Variants in AK9 observed in about 807,000 individuals in gnomAD.
The protein encoded by AK9 is adenylate kinase domain containing 1.
AK9 carries 191 observed loss-of-function variants against 239.6 expected under a neutral mutation model. The observed-to-expected ratio is 0.80, with a 90% CI of 0.71 to 0.90. The LOEUF is 0.90. AK9 is among the 40% of genes least tolerant of loss of function. The probability of loss-of-function intolerance (pLI) is 0.00; values close to 1 mark genes in which losing one functional copy is unlikely to be tolerated. For synonymous variants in AK9, 689 were observed against 721.0 expected, an observed-to-expected ratio of 0.96 and a Z score of 0.71; for missense variants, 1,995 against 2,214.7, an observed-to-expected ratio of 0.90 and a Z score of 1.99.
chr6:109,686,401 G>A (rs1481976317), intron 1 of AK9, among the ~76,000 whole-genome samples: 3 of 152,202 alleles, frequency 2.0e-5, no homozygotes, highest in Non-Finnish European at 4.4e-5. Flanking sequence ...CTAAAAAAGA[G>A]GCACAGTATT....
intron 25 of AK9, among the ~76,000 whole-genome samples, chr6:109,546,579 A>C (rs1783597525): frequency 6.6e-6 from 1 of 152,238 alleles, no homozygotes; most frequent in Non-Finnish European, 1.5e-5. Context: ...TGAAACTGTC[A>C]AGAACAATGG....
chr6:109,586,219 A>T, intron 17 of AK9, 147 bp from the exon 18 acceptor site: 1 of 788,222 alleles, frequency 1.3e-6, no homozygotes, highest in Admixed American at 3.3e-5. Flanking sequence ...TTTAAAGCTA[A>T]ACTTAATTTT....
At chr6:109,542,968 C>T (rs993031230) in intron 26 of AK9, among the ~76,000 whole-genome samples, 64 of 152,042 alleles carry the variant, frequency 4.2e-4, no homozygotes, top group African/African-American at 1.5e-3. Context: ...CACACACACG[C>T]CTATAAGGCT....
At chr6:109,596,003 A>T (rs1052399092) in intron 17 of AK9, among the ~76,000 whole-genome samples, 7 of 152,090 alleles carry the variant, frequency 4.6e-5, no homozygotes, top group Non-Finnish European at 7.4e-5. Context: ...AGTATAATTT[A>T]AAAAAAAGAA....
chr6:109,593,794 G>T (rs562560637), intron 17 of AK9, among the ~76,000 whole-genome samples: 4 of 152,170 alleles, frequency 2.6e-5, no homozygotes, highest in Admixed American at 1.3e-4. Context: ...TGCAGAAAAG[G>T]CCTTCAACAA....
At position 109,506,637 on chromosome 6, in the gene AK9, TTCA is replaced by T. The variant is rs1778152961; in HGVS notation, c.4628+14_4628+16del. 6.5e-7 allele frequency: 1 copy of T among 1,534,004 alleles called. No individual in the cohort carries two copies. The highest frequency in any genetic ancestry group is 1.2e-5 in the South Asian group (1 of 82,358). ...TAAAGTTTATTCCTTTTTTGTTGTC[TTCA>T]TCATGTACATTACCTTTGTTCATTT... On this transcript the variant is annotated intron_variant, in intron 34 of 40. Transcript: ENST00000424296.
chr6:109,578,432 T>C lies in AK9; in HGVS notation c.2191+1118A>G, dbSNP rs573146369. On this transcript the variant is annotated intron_variant, in intron 20 of 40. Transcript: ENST00000424296. Reference sequence around the variant, plus strand: ...CTCTTCTTTTTTTGGTTAATCTCACTAATGATCTATCAATTTTGCTTATCT... The same window carrying C: ...CTCTTCTTTTTTTGGTTAATCTCACCAATGATCTATCAATTTTGCTTATCT... 3.3e-5 allele frequency among the ~76,000 whole-genome samples: 5 copies of C among 152,296 alleles called. No homozygotes were observed. The East Asian group carries it at 9.6e-4, about 29-fold the overall frequency.
At chr6:109,636,539 G>A (rs1796727624) in intron 10 of AK9, among the ~76,000 whole-genome samples, 1 of 150,664 alleles carries the variant, frequency 6.6e-6, no homozygotes, top group South Asian at 2.1e-4. Flanking sequence ...ACAGAACTCT[G>A]TACTCATGAA....
intron 12 of AK9, chr6:109,632,076 C>A (rs943278516): frequency 2.4e-6 from 2 of 843,898 alleles, no homozygotes; most frequent in African/African-American, 1.8e-5. Flanking sequence ...TGGGTGCTGG[C>A]AACATTCCAG....
intron 10 of AK9, among the ~76,000 whole-genome samples, chr6:109,636,750 TCACACACA>T (rs57475668): frequency 9.6e-5 from 13 of 135,472 alleles, no homozygotes; most frequent in Admixed American, 7.8e-4. Flanking sequence ...TAATATTCCA[TCACACACA>T]CACACACACA....
intron 2 of AK9, 86 bp downstream of exon 2, chr6:109,675,543 T>G (rs1359944907): frequency 3.5e-6 from 3 of 856,512 alleles, no homozygotes; most frequent in East Asian, 6.0e-5. Context: ...GAGCACAATA[T>G]GTGGTTTTTA....
chr6:109,497,362 A>ACACACACACT lies in AK9; in HGVS notation c.5315+102_5315+103insAGTGTGTGTG, dbSNP rs1554230922. 3.1e-4 allele frequency: 156 copies of ACACACACACT among 500,540 alleles called. 1 individual carries two copies. In the African/African-American group the frequency reaches 3.9e-3, roughly 13 times the overall value. 31.0% of individuals were successfully genotyped at this position (500,540 alleles called of 1,614,324 possible). A position where few individuals can be genotyped will look rare whatever the true frequency, so the allele number is the denominator to read the frequency against. On this transcript the variant is annotated intron_variant, in intron 38 of 40. Coordinates refer to ENST00000424296, the MANE Select transcript of AK9 (RefSeq NM_001145128.3). ...CACACACACACACACACACACACAC[A>ACACACACACT]CTCTCTCTCTCTCTCTCTCTCTCAC...
intron 12 of AK9, among the ~76,000 whole-genome samples, chr6:109,630,096 C>A (rs1795961368): frequency 6.6e-6 from 1 of 152,020 alleles, no homozygotes; most frequent in African/African-American, 2.4e-5. Context: ...GGCATTATTT[C>A]TTGGGTGACT....
chr6:109,583,600 T>G (rs1349642918), intron 19 of AK9, among the ~76,000 whole-genome samples: 1 of 151,952 alleles, frequency 6.6e-6, no homozygotes, highest in African/African-American at 2.4e-5. Context: ...TATAAAAACA[T>G]AGAAAAGCCT....
At chr6:109,623,862 G>GACACACACACACACACAC (rs567410173) in intron 12 of AK9, among the ~76,000 whole-genome samples, 12 of 136,122 alleles carry the variant, frequency 8.8e-5, no homozygotes, top group African/African-American at 1.4e-4. Flanking sequence ...AGGAATCTTA[G>GACACACACACACACACAC]ACACACACAC....
At chr6:109,539,115 G>A (rs1249554783) in intron 27 of AK9, among the ~76,000 whole-genome samples, 1 of 152,112 alleles carries the variant, frequency 6.6e-6, no homozygotes, top group Non-Finnish European at 1.5e-5. Flanking sequence ...GTATCTTTGT[G>A]GCGTTCTCTG....
intron 24 of AK9, among the ~76,000 whole-genome samples, chr6:109,559,397 A>G (rs6910388): frequency 0.58 from 88,417 of 151,706 alleles, 27,422 homozygotes; most frequent in South Asian, 0.84. Context: ...TTGATCTCCT[A>G]ACCTCGTGAT....
At chr6:109,493,748 T>G (rs1776757691) in intron 40 of AK9, among the ~76,000 whole-genome samples, 177 bp from the exon 41 acceptor site, 1 of 152,230 alleles carries the variant, frequency 6.6e-6, no homozygotes, top group Admixed American at 6.5e-5. Flanking sequence ...TATTCACCCT[T>G]CTTTATGGCA....
chr6:109,507,438 C>A (rs962921035), intron 33 of AK9, among the ~76,000 whole-genome samples: 3 of 151,842 alleles, frequency 2.0e-5, no homozygotes, highest in Non-Finnish European at 1.5e-5. Flanking sequence ...TGAGAGTGGC[C>A]CTATAATATT....
Sources: gnomAD v4.1 joint callset for allele counts (sites outside exome capture counted in the v4.1 genomes callset) on GRCh38, gnomAD v4.1.1 for gene constraint, MANE v1.5 for transcripts, NCBI Gene and HGNC (gene_info 2026-07-23, HGNC 2026-07-21) for gene names.